The following ATP8A2 variants were observed in gnomAD, a reference collection of about 807,000 sequenced individuals.
ATP8A2 encodes the protein ATPase phospholipid transporting 8A2.
In ATP8A2, 100 loss-of-function variants were observed where a neutral mutation model predicts 165.6. The ratio of observed to expected loss-of-function variants is 0.60; its 90% confidence interval spans 0.51 to 0.71. The LOEUF (loss-of-function observed/expected upper bound fraction) is 0.71. ATP8A2 is among the 30% of genes least tolerant of loss of function. ATP8A2 has a pLI of 0.00. For missense variants in ATP8A2, 1,227 were observed against 1,479.5 expected (o/e 0.83, Z 2.80); for synonymous variants, 543 against 548.8 (o/e 0.99, Z 0.15).
chr13:25,532,958 G>A (rs148371376), intron 5 of ATP8A2, among the ~76,000 whole-genome samples: 5 of 152,158 alleles, frequency 3.3e-5, no homozygotes, highest in Non-Finnish European at 7.4e-5. Flanking sequence ...GAGCCACTGC[G>A]CCCAGCTGTT....
At chr13:25,422,511 G>A (rs187187961) in intron 1 of ATP8A2, among the ~76,000 whole-genome samples, 1 of 152,240 alleles carries the variant, frequency 6.6e-6, no homozygotes, top group East Asian at 1.9e-4. Flanking sequence ...TTTTAGTACA[G>A]CCTTTTTAAA....
chr13:25,916,179 A>T (rs1375794142), intron 33 of ATP8A2, among the ~76,000 whole-genome samples: 1 of 152,200 alleles, frequency 6.6e-6, no homozygotes, highest in Admixed American at 6.5e-5. Flanking sequence ...GAAAGGGAAA[A>T]AATTATGTTG....
At chr13:25,403,520 G>A (rs1191797804) in intron 1 of ATP8A2, among the ~76,000 whole-genome samples, 1 of 152,116 alleles carries the variant, frequency 6.6e-6, no homozygotes, top group Non-Finnish European at 1.5e-5. Context: ...GTTGAGTTGT[G>A]GATCCTATCT....
At chr13:25,892,714 C>G (rs1392399047) in intron 33 of ATP8A2, among the ~76,000 whole-genome samples, 1 of 152,068 alleles carries the variant, frequency 6.6e-6, no homozygotes, top group African/African-American at 2.4e-5. Flanking sequence ...CATCCCCCTC[C>G]TCTGCCATAG....
At chr13:25,446,948 C>T (rs1019674257) in intron 1 of ATP8A2, among the ~76,000 whole-genome samples, 1 of 152,124 alleles carries the variant, frequency 6.6e-6, no homozygotes, top group African/African-American at 2.4e-5. Context: ...GTTGACCTCC[C>T]ATGCTTAAGC....
intron 1 of ATP8A2, among the ~76,000 whole-genome samples, chr13:25,465,250 T>A (rs1220242647): frequency 2.0e-5 from 3 of 152,122 alleles, no homozygotes; most frequent in African/African-American, 4.8e-5. Flanking sequence ...TTTTGAAAAT[T>A]TTTTTTTCTA....
At chr13:25,528,333 GAAGTTGCT>G (rs1266627193) in intron 2 of ATP8A2, among the ~76,000 whole-genome samples, 1 of 152,198 alleles carries the variant, frequency 6.6e-6, no homozygotes, top group African/African-American at 2.4e-5. Flanking sequence ...ACCTTAGGTA[GAAGTTGCT>G]AAAAATGATT....
intron 2 of ATP8A2, among the ~76,000 whole-genome samples, chr13:25,497,706 C>T (rs922345003): frequency 6.6e-6 from 1 of 152,034 alleles, no homozygotes; most frequent in African/African-American, 2.4e-5. Flanking sequence ...TAATCCCAGC[C>T]AGCACTTTGG....
rs183391956 is a variant in ATP8A2 at position 25,393,413 on chromosome 13, C to G, written c.76+21125C>G. On this transcript the variant is annotated intron_variant, in intron 1 of 36. Coordinates refer to ENST00000381655, the MANE Select transcript of ATP8A2 (RefSeq NM_016529.6). ...CCACCTCACCCAACCTATTTACATA[C>G]TTTTTTTATTGTTGTTTTTTGAGAC... is the stretch of plus-strand genomic sequence containing the variant. 4.1e-3 allele frequency among the ~76,000 whole-genome samples: 628 copies of G among 151,920 alleles called. 2 individuals are homozygous for G. Among genetic ancestry groups the G allele is most frequent in the Non-Finnish European group, 7.7e-3 (522 of 67,962 alleles).
At chr13:25,810,203 T>C (rs566374796) in intron 27 of ATP8A2, among the ~76,000 whole-genome samples, 60 of 152,352 alleles carry the variant, frequency 3.9e-4, no homozygotes, top group African/African-American at 1.4e-3. Flanking sequence ...TGTTTCTGAA[T>C]TTACCCATAC....
Position 25,579,880 on chromosome 13 carries a change from A to G in ATP8A2, c.1940A>G (p.Gln647Arg), listed in dbSNP as rs1418760316. 8 of 1,614,084 alleles carry G rather than the reference A, an allele frequency of 5.0e-6. No homozygotes were observed. The highest frequency in any genetic ancestry group is 6.8e-6 in the Non-Finnish European group (8 of 1,179,994). Residue 647 changes from glutamine to arginine, a missense_variant, in exon 22 of 37, where the codon CAG (glutamine) becomes CGG (arginine). By Grantham distance (43) the Gln-to-Arg change is conservative. Around this residue, in one of 5 missense-constraint regions of ATP8A2, gnomAD observed 592 missense variants for 785.6 expected, o/e 0.75. Transcript: ENST00000381655. Reference protein sequence around the residue: ...NEYEEWLKVYQEASTILKDRA... With the variant: ...NEYEEWLKVYREASTILKDRA... ...TATGAGGAGTGGCTGAAAGTCTATC[A>G]GGAAGCCAGCACCATATTGAAGGAC...
chr13:25,478,738 T>C (rs540303328), intron 2 of ATP8A2, among the ~76,000 whole-genome samples: 1 of 152,336 alleles, frequency 6.6e-6, no homozygotes, highest in East Asian at 1.9e-4. Flanking sequence ...TGGAGAGTGT[T>C]GGCAGGTTTC....
chr13:25,748,766 C>G (rs937218508), intron 25 of ATP8A2, among the ~76,000 whole-genome samples: 3 of 152,156 alleles, frequency 2.0e-5, no homozygotes, highest in African/African-American at 7.2e-5. Flanking sequence ...TTGAGGTGAG[C>G]CATTACTTGT....
intron 35 of ATP8A2, among the ~76,000 whole-genome samples, chr13:25,989,781 C>T (rs1176240706): frequency 6.6e-6 from 1 of 152,170 alleles, no homozygotes; most frequent in Non-Finnish European, 1.5e-5. Flanking sequence ...CTTCCACCTA[C>T]TTGTTCCTTC....
At chr13:26,002,107 T>C (rs1260631247) in intron 35 of ATP8A2, among the ~76,000 whole-genome samples, 1 of 152,244 alleles carries the variant, frequency 6.6e-6, no homozygotes, top group Non-Finnish European at 1.5e-5. Flanking sequence ...CTAATTAACA[T>C]TGTCATCACC....
chr13:25,755,531 T>C (rs1232371275), intron 25 of ATP8A2, among the ~76,000 whole-genome samples: 1 of 152,262 alleles, frequency 6.6e-6, no homozygotes, highest in African/African-American at 2.4e-5. Context: ...TGTAGGAACT[T>C]ACTATCTTAT....
At chr13:25,530,987 G>A (rs2038013250) in intron 4 of ATP8A2, among the ~76,000 whole-genome samples, 1 of 151,868 alleles carries the variant, frequency 6.6e-6, no homozygotes, top group Non-Finnish European at 1.5e-5. Context: ...TAGGATGGCA[G>A]CATTGTCTCG....
intron 35 of ATP8A2, among the ~76,000 whole-genome samples, chr13:26,008,922 A>G (rs1845379472): frequency 6.6e-6 from 1 of 152,232 alleles, no homozygotes; most frequent in African/African-American, 2.4e-5. Context: ...TATTCCTCTA[A>G]ACCAAAAAAT....
chr13:25,871,013 A>C (rs909148349), intron 33 of ATP8A2, among the ~76,000 whole-genome samples: 1 of 151,854 alleles, frequency 6.6e-6, no homozygotes, highest in African/African-American at 2.4e-5. Flanking sequence ...CTTCCCCCGT[A>C]TACAATTTCC....
Sources: gnomAD v4.1 joint callset for allele counts (sites outside exome capture counted in the v4.1 genomes callset) on GRCh38, gnomAD v4.1.1 for gene constraint, gnomAD v4.1.1 regional missense constraint, MANE v1.5 for transcripts, NCBI Gene and HGNC (gene_info 2026-07-23, HGNC 2026-07-21) for gene names.